Variants in MRE11 observed in about 807,000 individuals in gnomAD.
MRE11 encodes the protein double-strand break repair protein MRE11.
MRE11 carries 62 observed loss-of-function variants against 91.7 expected under a neutral mutation model. The ratio of observed to expected loss-of-function variants is 0.68; its 90% CI spans 0.55 to 0.84. The LOEUF (loss-of-function observed/expected upper bound fraction) is 0.84. Among genes scored for constraint, MRE11 ranks in the 40% least tolerant of loss-of-function variants. The probability of loss-of-function intolerance (pLI) is 0.00; values close to 1 mark genes in which losing one functional copy is unlikely to be tolerated. For missense variants in MRE11, 796 were observed against 852.9 expected (o/e 0.93, Z 0.83); for synonymous variants, 273 against 271.4 (o/e 1.01, Z -0.06).
intron 19 of MRE11, 82 bp from the exon 20 acceptor site, chr11:94,420,263 T>C (rs1945135845): frequency 1.8e-6 from 2 of 1,087,124 alleles, no homozygotes; most frequent in East Asian, 2.4e-5. Context: ...GGCAAAACAA[T>C]ACCAGTGAGA....
intron 10 of MRE11, among the ~76,000 whole-genome samples, chr11:94,464,920 C>T (rs2135005215): frequency 6.6e-6 from 1 of 152,352 alleles, no homozygotes; most frequent in Non-Finnish European, 1.5e-5. Flanking sequence ...CACCTCACAG[C>T]TTATCCAGAA....
chr11:94,508,161 G>C, the MRE11 span, among the ~76,000 whole-genome samples: 3 of 152,014 alleles, frequency 2.0e-5, no homozygotes, highest in South Asian at 6.2e-4. Context: ...GCCCCAGGCT[G>C]TTCTCAGACT....
intron 18 of MRE11, among the ~76,000 whole-genome samples, chr11:94,432,026 C>A (rs938415546): frequency 1.3e-5 from 2 of 151,746 alleles, no homozygotes; most frequent in African/African-American, 4.8e-5. Context: ...AAGACAAGAA[C>A]AACCAAACAA....
chr11:94,477,087 T>G (rs1946881865), intron 6 of MRE11, among the ~76,000 whole-genome samples: 1 of 152,186 alleles, frequency 6.6e-6, no homozygotes, highest in East Asian at 1.9e-4. Flanking sequence ...GACATATACA[T>G]GTTCAAAACC....
intron 15 of MRE11, 42 bp downstream of exon 15, chr11:94,447,177 C>T (rs1421037375): frequency 1.3e-6 from 2 of 1,574,462 alleles, no homozygotes; most frequent in East Asian, 2.2e-5. Context: ...TTCCACTCAA[C>T]TGCCAAGTGT....
the MRE11 span, among the ~76,000 whole-genome samples, chr11:94,503,550 C>T: frequency 1.1e-3 from 172 of 152,086 alleles, no homozygotes; most frequent in African/African-American, 3.7e-3. Context: ...ATTAGCTGGG[C>T]ATGGTGGCAC....
chr11:94,481,860 A>G (rs1947021044), intron 4 of MRE11, among the ~76,000 whole-genome samples: 2 of 152,208 alleles, frequency 1.3e-5, no homozygotes, highest in Non-Finnish European at 2.9e-5. Context: ...GGATTTCCCT[A>G]TCTTTGCCTA....
In MRE11 at chr11:94,420,149, A is replaced by G. The variant is rs1464205113; in HGVS notation, c.2103T>C (p.Ser701=). 7.0e-6 allele frequency: 11 copies of G among 1,580,556 alleles called. No individual in the cohort carries two copies. Among genetic ancestry groups the G allele is most frequent in the South Asian group, 1.1e-5 (1 of 90,436 alleles). ...DDDDDPFMNT[S]SLRRNRR ...ATTATCTTCTATTTCTTCTTAAAGA[A>G]CTAGTGTTCATAAAAGGATCATCAT... is the stretch of plus-strand genomic sequence containing the variant. Residue 701 remains serine, a synonymous_variant, in exon 20 of 20, where the codon AGT becomes AGC. Transcript: ENST00000323929.
intron 14 of MRE11, 145 bp from the exon 15 acceptor site, chr11:94,447,583 C>A: frequency 1.3e-6 from 1 of 782,378 alleles, no homozygotes; most frequent in Non-Finnish European, 2.1e-6. Flanking sequence ...AATCTCAGCA[C>A]TTTGGGAGGC....
intron 6 of MRE11, among the ~76,000 whole-genome samples, chr11:94,477,775 G>A (rs1055816404): frequency 2.7e-5 from 4 of 147,642 alleles, no homozygotes; most frequent in South Asian, 2.3e-4. Flanking sequence ...AAAGCAATGC[G>A]GTTTAGCCAG....
intron 4 of MRE11, among the ~76,000 whole-genome samples, chr11:94,480,199 C>G (rs1040097771): frequency 6.6e-6 from 1 of 152,210 alleles, no homozygotes; most frequent in African/African-American, 2.4e-5. Context: ...CCCCTGCCCC[C>G]AGCCATCCAG....
chr11:94,494,481 A>T (rs191548470), upstream of MRE11, among the ~76,000 whole-genome samples: 137 of 151,992 alleles, frequency 9.0e-4, 1 homozygote, highest in African/African-American at 3.3e-3. Flanking sequence ...ATCTATCTGA[A>T]CCTCCTTCAC....
At chr11:94,479,847 A>G in intron 4 of MRE11, 86 bp from the exon 5 acceptor site, 1 of 1,013,058 alleles carries the variant, frequency 9.9e-7, no homozygotes. Flanking sequence ...TAATGCAATC[A>G]TAGGCAAACT....
At chr11:94,480,406 C>T (rs962855843) in intron 4 of MRE11, among the ~76,000 whole-genome samples, 1 of 152,228 alleles carries the variant, frequency 6.6e-6, no homozygotes, top group East Asian at 1.9e-4. Context: ...GACCTTTCTT[C>T]TGCTCTGTCA....
intron 14 of MRE11, among the ~76,000 whole-genome samples, chr11:94,450,577 AATT>A (rs1946073225): frequency 6.6e-6 from 1 of 152,136 alleles, no homozygotes; most frequent in African/African-American, 2.4e-5. Flanking sequence ...TAAAATAAAA[AATT>A]AATAATAAAG....
chr11:94,476,515 G>T, intron 6 of MRE11, 112 bp from the exon 7 acceptor site: 1 of 717,726 alleles, frequency 1.4e-6, no homozygotes, highest in Non-Finnish European at 2.4e-6. Context: ...TTACTGTTGG[G>T]AGATATATTT....
chr11:94,493,448 T>C (rs1947347716), intron 1 of MRE11, among the ~76,000 whole-genome samples: 1 of 151,994 alleles, frequency 6.6e-6, no homozygotes, highest in Non-Finnish European at 1.5e-5. Context: ...ATAGCCAGGT[T>C]TGGGGAAGAG....
At chr11:94,451,534 A>T (rs1946106606) in intron 14 of MRE11, among the ~76,000 whole-genome samples, 2 of 152,168 alleles carry the variant, frequency 1.3e-5, no homozygotes, top group African/African-American at 4.8e-5. Context: ...ACAAAAAGAA[A>T]ATTACAGAAT....
chr11:94,511,118 T>C, the MRE11 span, among the ~76,000 whole-genome samples: 44 of 152,162 alleles, frequency 2.9e-4, no homozygotes, highest in East Asian at 7.9e-3. Flanking sequence ...AGTGCAAAAA[T>C]ACAGAGATAT....
Sources: gnomAD v4.1 joint callset for allele counts (sites outside exome capture counted in the v4.1 genomes callset) on GRCh38, gnomAD v4.1.1 for gene constraint, MANE v1.5 for transcripts, NCBI Gene and HGNC (gene_info 2026-07-23, HGNC 2026-07-21) for gene names.